The following OGA variants were observed in gnomAD, a reference collection of about 807,000 sequenced individuals.
OGA encodes the protein O-GlcNAcase.
OGA carries 21 observed loss-of-function variants against 102.0 expected under a neutral mutation model. The observed-to-expected ratio is 0.21, with a 90% CI of 0.15 to 0.30. The LOEUF (loss-of-function observed/expected upper bound fraction) is 0.30, where lower values mean the gene tolerates loss of function less well. Among genes scored for constraint, OGA ranks in the 10% least tolerant of loss-of-function variants. OGA has a pLI of 1.00. For missense variants in OGA, 765 were observed against 1,107.8 expected (o/e 0.69, Z 4.39); for synonymous variants, 408 against 378.2 (o/e 1.08, Z -0.91).
At chr10:101,799,520 A>G in intron 8 of OGA, 65 bp from the exon 9 acceptor site, 1 of 1,446,550 alleles carries the variant, frequency 6.9e-7, no homozygotes, top group East Asian at 2.3e-5. Flanking sequence ...GAGATAGAAC[A>G]CATTAGATTC....
chr10:101,788,551 A>T (rs2065219216), intron 14 of OGA, among the ~76,000 whole-genome samples: 1 of 151,948 alleles, frequency 6.6e-6, no homozygotes, highest in South Asian at 2.1e-4. Context: ...CCTGGCCAAC[A>T]TCGTGAAACC....
At position 101,799,457 on chromosome 10, in the gene OGA, T is replaced by C; in HGVS notation, c.1196-2A>G. On this transcript the variant is annotated splice_acceptor_variant, in intron 8 of 15. Coordinates refer to ENST00000361464, the MANE Select transcript of OGA (RefSeq NM_012215.5). LOFTEE classifies it high-confidence loss of function. ...CTCCACTGTGTGCAACTTGCCTACCTACAAAAATAAATAAATGTATAAATA... is the reference window on the plus strand; with the variant it reads ...CTCCACTGTGTGCAACTTGCCTACCCACAAAAATAAATAAATGTATAAATA... The C allele has an allele frequency of 1.2e-6, 2 of 1,602,298 alleles. No individual in the cohort carries two copies. The highest frequency in any genetic ancestry group is 1.7e-6 in the Non-Finnish European group (2 of 1,173,956).
At chr10:101,806,709 T>C (rs1354483182) in intron 5 of OGA, among the ~76,000 whole-genome samples, 2 of 152,222 alleles carry the variant, frequency 1.3e-5, no homozygotes, top group African/African-American at 2.4e-5. Context: ...CTGAATTGCC[T>C]ACTTTTCTCA....
intron 9 of OGA, 107 bp from the exon 10 acceptor site, chr10:101,798,261 CTTAACCA>C (rs981169304): frequency 6.1e-6 from 6 of 979,336 alleles, no homozygotes; most frequent in African/African-American, 4.9e-5. Context: ...GGCAATTTAT[CTTAACCA>C]TTAAAGTATC....
intron 15 of OGA, 41 bp from the exon 16 acceptor site, chr10:101,786,628 T>C (rs1443771366): frequency 7.0e-7 from 1 of 1,438,412 alleles, no homozygotes; most frequent in Non-Finnish European, 9.3e-7. Flanking sequence ...ATAAGTCACT[T>C]AATTAGTATA....
At chr10:101,812,200 A>G (rs557623916) in intron 3 of OGA, among the ~76,000 whole-genome samples, 1 of 152,338 alleles carries the variant, frequency 6.6e-6, no homozygotes, top group East Asian at 1.9e-4. Flanking sequence ...GTTCAATGCT[A>G]TACTACTTTT....
At chr10:101,817,704 GCCA>G in intron 1 of OGA, 117 bp downstream of exon 1, 4 of 1,131,738 alleles carry the variant, frequency 3.5e-6, no homozygotes, top group Non-Finnish European at 4.9e-6. Flanking sequence ...CTTTAGGAGG[GCCA>G]CATTTCAGAC....
At chr10:101,814,036 G>C (rs776275155) in intron 1 of OGA, among the ~76,000 whole-genome samples, 4 of 152,104 alleles carry the variant, frequency 2.6e-5, no homozygotes, top group Non-Finnish European at 5.9e-5. Flanking sequence ...CTTTAGAAAG[G>C]GTGAGGGGAG....
intron 1 of OGA, among the ~76,000 whole-genome samples, chr10:101,814,032 A>G (rs1360870327): frequency 4.6e-5 from 7 of 152,192 alleles, no homozygotes; most frequent in Admixed American, 4.6e-4. Context: ...ACTGCTTTAG[A>G]AAGGGTGAGG....
rs2065174282 is a variant in OGA, at chr10:101,784,606, A to AGGGCAAGATCACTAGAGCATGATCCTAG, written c.*1844_*1845insCTAGGATCATGCTCTAGTGATCTTGCCC. On this transcript the variant is annotated 3_prime_UTR_variant, in exon 16 of 16. Transcript: ENST00000361464. ...GCACTTCATGATCCTAGAGTGATGA[A>AGGGCAAGATCACTAGAGCATGATCCTAG]AGCAAGACCAGGGCATCTGTTTCAC... 1 of 152,518 alleles carries AGGGCAAGATCACTAGAGCATGATCCTAG rather than the reference A, an allele frequency of 6.6e-6. No individual in the cohort carries two copies. The allele number at this position is 152,518 out of a possible 1,614,324, so 9.4% of individuals were successfully genotyped here.
intron 10 of OGA, chr10:101,796,051 A>C: frequency 3.2e-6 from 1 of 316,624 alleles, no homozygotes; most frequent in Non-Finnish European, 4.6e-6. Flanking sequence ...CTGAATATCA[A>C]ATGTTTTCTG....
chr10:101,813,720 T>C, intron 1 of OGA, 114 bp from the exon 2 acceptor site: 6 of 543,452 alleles, frequency 1.1e-5, no homozygotes, highest in Admixed American at 6.3e-5. Flanking sequence ...AAGCATAAAA[T>C]ACACCAAATC....
intron 14 of OGA, among the ~76,000 whole-genome samples, chr10:101,790,150 C>A (rs2065240323): frequency 6.6e-6 from 1 of 151,746 alleles, no homozygotes; most frequent in Non-Finnish European, 1.5e-5. Context: ...ATTTTTAAAT[C>A]ACAATGTAGA....
At chr10:101,794,060 T>C (rs2065288680) in intron 10 of OGA, 62 bp from the exon 11 acceptor site, 3 of 1,221,652 alleles carry the variant, frequency 2.5e-6, no homozygotes, top group South Asian at 1.3e-5. Flanking sequence ...GGGTCTCAAA[T>C]GTCCAACAAA....
intron 10 of OGA, 136 bp from the exon 11 acceptor site, chr10:101,794,134 T>C (rs539408065): frequency 1.8e-6 from 1 of 550,120 alleles, no homozygotes; most frequent in African/African-American, 1.9e-5. Context: ...AAGGCTATGA[T>C]AATAATTATT....
rs972637650 is a variant in OGA, at chr10:101,800,494, A to G, written c.1037-94T>C. On this transcript the variant is annotated intron_variant, in intron 7 of 15. Transcript: ENST00000361464. Reference sequence around the variant, plus strand: ...AATAAATGCAACTAGTTTTCACAGTATAACCACAGAAACAAAGAACAGAAT... The same window carrying G: ...AATAAATGCAACTAGTTTTCACAGTGTAACCACAGAAACAAAGAACAGAAT... 12 of 905,760 alleles carry G rather than the reference A, an allele frequency of 1.3e-5. No homozygotes were observed. The African/African-American group carries it at 1.8e-4, about 14-fold the overall frequency. The allele number at this position is 905,760 out of a possible 1,614,324, so 56.1% of individuals were successfully genotyped here.
In OGA at chr10:101,784,501, C is replaced by A. The variant is rs556518001; in HGVS notation, c.*1950G>T. ...TGCATGGTCTTTTACAGTTCGTTTTCTACAGGAACTGAGCTCTGATCCAAA... is the reference window on the plus strand; with the variant it reads ...TGCATGGTCTTTTACAGTTCGTTTTATACAGGAACTGAGCTCTGATCCAAA... On this transcript the variant is annotated 3_prime_UTR_variant, in exon 16 of 16. Coordinates refer to ENST00000361464, the MANE Select transcript of OGA (RefSeq NM_012215.5). 4 of 152,642 alleles carry A rather than the reference C, an allele frequency of 2.6e-5. No individual in the cohort carries two copies. Among genetic ancestry groups the A allele is most frequent in the Non-Finnish European group, 5.9e-5 (4 of 68,054 alleles). 9.5% of individuals were successfully genotyped at this position (152,642 alleles called of 1,614,324 possible).
In OGA at chr10:101,813,018, GA is replaced by G; in HGVS notation, c.349+11del. ...CAGATTTTGAATTTATGGATAAAAA[GA>G]AAAAGATTACCAGCTTCCTCCACTG... On this transcript the variant is annotated intron_variant, in intron 3 of 15. Coordinates refer to ENST00000361464, the MANE Select transcript of OGA (RefSeq NM_012215.5). The G allele has an allele frequency of 6.3e-7, 1 of 1,576,882 alleles. No individual in the cohort carries two copies. The highest frequency in any genetic ancestry group is 8.7e-7 in the Non-Finnish European group (1 of 1,151,948).
chr10:101,813,481 T>C, intron 2 of OGA, 74 bp downstream of exon 2: 1 of 950,952 alleles, frequency 1.1e-6, no homozygotes, highest in Non-Finnish European at 1.6e-6. Context: ...TATTCACTGT[T>C]AGTATTTCTT....
Sources: allele counts gnomAD v4.1 joint callset (sites outside exome capture counted in the v4.1 genomes callset), GRCh38; gene constraint gnomAD v4.1.1; transcripts MANE v1.5; gene names NCBI Gene and HGNC (gene_info 2026-07-23, HGNC 2026-07-21).